The following TMEM132D variants were observed in gnomAD, a reference collection of about 807,000 sequenced individuals.
The protein encoded by TMEM132D is transmembrane protein 132D, also known as mature OL transmembrane protein.
A neutral mutation model predicts 62.3 loss-of-function variants in TMEM132D; 21 were observed. That is an observed-to-expected ratio of 0.34 (90% CI 0.24 to 0.49). The LOEUF (loss-of-function observed/expected upper bound fraction) is 0.49, where lower values mean the gene tolerates loss of function less well. Among genes scored for constraint, TMEM132D ranks in the 20% least tolerant of loss-of-function variants. The probability of loss-of-function intolerance (pLI) is 0.99; values close to 1 mark genes in which losing one functional copy is unlikely to be tolerated. For missense variants in TMEM132D, 1,346 were observed against 1,402.8 expected (o/e 0.96, Z 0.65); for synonymous variants, 621 against 575.6 (o/e 1.08, Z -1.13).
chr12:129,513,597 G>A (rs1176211977), intron 3 of TMEM132D, among the ~76,000 whole-genome samples: 2 of 151,170 alleles, frequency 1.3e-5, no homozygotes, highest in Non-Finnish European at 2.9e-5. Context: ...CCATTCTCCT[G>A]CCTCAGCCTC....
intron 2 of TMEM132D, among the ~76,000 whole-genome samples, chr12:129,586,908 T>C (rs902567773): frequency 3.3e-5 from 5 of 152,060 alleles, no homozygotes; most frequent in African/African-American, 9.7e-5. Context: ...AAATATGAGA[T>C]AGATACCATG....
intron 2 of TMEM132D, among the ~76,000 whole-genome samples, chr12:129,620,019 A>G (rs977401956): frequency 1.3e-5 from 2 of 152,152 alleles, no homozygotes; most frequent in Admixed American, 1.3e-4. Flanking sequence ...TCTAAACCAT[A>G]CACATCAATT....
intron 3 of TMEM132D, among the ~76,000 whole-genome samples, chr12:129,411,467 C>T (rs558521488): frequency 1.3e-5 from 2 of 152,164 alleles, no homozygotes; most frequent in Non-Finnish European, 2.9e-5. Flanking sequence ...CTTCCAGGTT[C>T]AAGGGATCTT....
intron 3 of TMEM132D, among the ~76,000 whole-genome samples, chr12:129,433,614 G>C (rs1872718827): frequency 6.6e-6 from 1 of 152,018 alleles, no homozygotes; most frequent in African/African-American, 2.4e-5. Flanking sequence ...TATACTTGTT[G>C]CCACTAAAAG....
chr12:129,836,110 AT>A (rs1872993765), intron 1 of TMEM132D, among the ~76,000 whole-genome samples: 1 of 152,188 alleles, frequency 6.6e-6, no homozygotes. Flanking sequence ...ATTGCCATTG[AT>A]TGGTTATATA....
intron 2 of TMEM132D, among the ~76,000 whole-genome samples, chr12:129,564,158 T>C (rs1427195890): frequency 1.3e-5 from 2 of 152,180 alleles, no homozygotes; most frequent in African/African-American, 4.8e-5. Flanking sequence ...CTTACATAGA[T>C]GAGAGAACTG....
chr12:129,172,742 C>A (rs1817117199), intron 5 of TMEM132D, among the ~76,000 whole-genome samples: 1 of 152,142 alleles, frequency 6.6e-6, no homozygotes, highest in Non-Finnish European at 1.5e-5. Flanking sequence ...CCACACCCAG[C>A]TAATTTTGTA....
chr12:129,708,565 T>C (rs1881557996), intron 1 of TMEM132D, among the ~76,000 whole-genome samples: 1 of 126,430 alleles, frequency 7.9e-6, no homozygotes, highest in South Asian at 2.5e-4. Context: ...CAACCACAAA[T>C]GTCTCCAGAC....
At chr12:129,129,753 A>G (rs1876317353) in intron 5 of TMEM132D, among the ~76,000 whole-genome samples, 1 of 152,016 alleles carries the variant, frequency 6.6e-6, no homozygotes, top group Non-Finnish European at 1.5e-5. Flanking sequence ...TATGTGGGGC[A>G]TCTTTTCATG....
rs184087946 is a variant in TMEM132D at position 129,820,649 on chromosome 12, G to A, written c.79+82612C>T. On this transcript the variant is annotated intron_variant, in intron 1 of 8. Coordinates refer to ENST00000422113, the MANE Select transcript of TMEM132D (RefSeq NM_133448.3). ...TCAGCTGAAAATATATGGGATGAAC[G>A]GTTCCATCATGAAGGAGCTCATATT... 8.2e-4 allele frequency among the ~76,000 whole-genome samples: 125 copies of A among 152,272 alleles called. 2 individuals carry two copies. The highest frequency in any genetic ancestry group is 2.7e-3 in the African/African-American group (112 of 41,566).
chr12:129,763,588 A>G (rs920681735), intron 1 of TMEM132D, among the ~76,000 whole-genome samples: 1 of 152,062 alleles, frequency 6.6e-6, no homozygotes, highest in Non-Finnish European at 1.5e-5. Context: ...ATGTGAGTTG[A>G]TGGCACTTTC....
At chr12:129,224,234 A>T in intron 4 of TMEM132D, among the ~76,000 whole-genome samples, 1 of 151,974 alleles carries the variant, frequency 6.6e-6, no homozygotes, top group Non-Finnish European at 1.5e-5. Context: ...TACTTTGTTC[A>T]TAATCTTAGG....
At chr12:129,389,277 A>G (rs59898372) in intron 3 of TMEM132D, among the ~76,000 whole-genome samples, 15,606 of 152,084 alleles carry the variant, frequency 0.1, 1,125 homozygotes, top group African/African-American at 0.21. Context: ...ATATTAATAC[A>G]AACCTTAAGG....
At chr12:129,610,279 A>C (rs1878736388) in intron 2 of TMEM132D, among the ~76,000 whole-genome samples, 2 of 52,336 alleles carry the variant, frequency 3.8e-5, no homozygotes, top group African/African-American at 9.6e-5. Context: ...CTCTGTCTCA[A>C]AAAAAAAAAA....
chr12:129,638,718 T>C (rs1024694376), intron 2 of TMEM132D, among the ~76,000 whole-genome samples: 1 of 151,904 alleles, frequency 6.6e-6, no homozygotes, highest in Non-Finnish European at 1.5e-5. Context: ...CTTGCTAAAA[T>C]GTCTTCTGAG....
At chr12:129,623,662 T>C (rs989724649) in intron 2 of TMEM132D, among the ~76,000 whole-genome samples, 5 of 144,378 alleles carry the variant, frequency 3.5e-5, no homozygotes, top group Non-Finnish European at 7.5e-5. Context: ...TATATATATA[T>C]ACATATATAT....
rs1477512983 is a variant in TMEM132D at position 129,371,078 on chromosome 12, G to A, written c.1116-33261C>T. ...AAACAGATAAATATTTGATGTGATA[G>A]ACCCAATTACCTTGATTCGATCATT... On this transcript the variant is annotated intron_variant, in intron 3 of 8. Transcript: ENST00000422113. The surrounding 1 kb of genome is among the most constrained non-coding windows in gnomAD (Gnocchi z 4.3). 6.6e-6 allele frequency among the ~76,000 whole-genome samples: 1 copy of A among 152,156 alleles called. No homozygotes were observed. The highest frequency in any genetic ancestry group is 1.5e-5 in the Non-Finnish European group (1 of 68,028).
chr12:129,678,455 ATGTC>A (rs1880694169), intron 2 of TMEM132D, among the ~76,000 whole-genome samples: 1 of 152,150 alleles, frequency 6.6e-6, no homozygotes, highest in Non-Finnish European at 1.5e-5. Flanking sequence ...CGTTTATAAA[ATGTC>A]TGTTCATATT....
intron 5 of TMEM132D, among the ~76,000 whole-genome samples, chr12:129,155,236 T>G (rs975957534): frequency 2.0e-5 from 3 of 152,236 alleles, no homozygotes; most frequent in African/African-American, 7.2e-5. Flanking sequence ...GCATTCAATT[T>G]GCACCTGACT....
Sources: gnomAD v4.1 joint callset for allele counts (sites outside exome capture counted in the v4.1 genomes callset) on GRCh38, gnomAD v4.1.1 for gene constraint, Gnocchi (gnomAD v3.1) non-coding constraint, MANE v1.5 for transcripts, NCBI Gene and HGNC (gene_info 2026-07-23, HGNC 2026-07-21) for gene names.